The following PRKG1 variants were observed in gnomAD, a reference collection of about 807,000 sequenced individuals.
The protein encoded by PRKG1 is cGMP-dependent protein kinase 1.
Under a neutral mutation model 88.1 loss-of-function variants are expected in PRKG1, and 35 were observed. The ratio of observed to expected loss-of-function variants is 0.40; its 90% CI spans 0.30 to 0.53. PRKG1 has a LOEUF of 0.53. Among genes scored for constraint, PRKG1 ranks in the 20% least tolerant of loss-of-function variants. The pLI, the probability that PRKG1 is intolerant of heterozygous loss-of-function variation, is 0.59. For synonymous variants in PRKG1, 303 were observed against 292.5 expected (o/e 1.04, Z -0.37); for missense variants, 540 against 839.8 (o/e 0.64, Z 4.41).
At chr10:51,130,668 A>C (rs1845541965) in intron 1 of PRKG1, among the ~76,000 whole-genome samples, 1 of 152,116 alleles carries the variant, frequency 6.6e-6, no homozygotes, top group Admixed American at 6.6e-5. Context: ...TTTGGGAGGC[A>C]AAGGCAGGTG....
intron 3 of PRKG1, among the ~76,000 whole-genome samples, chr10:51,592,146 AT>A (rs1838327836): frequency 1.3e-5 from 2 of 152,158 alleles, no homozygotes; most frequent in Admixed American, 6.5e-5. Context: ...ACTTTTTCTC[AT>A]TTGATTGAAG....
chr10:52,163,396 A>G (rs1164790031), intron 9 of PRKG1, among the ~76,000 whole-genome samples: 1 of 150,852 alleles, frequency 6.6e-6, no homozygotes, highest in Non-Finnish European at 1.5e-5. Context: ...GCATATACAT[A>G]TATAAAAGAT....
chr10:51,267,576 C>T (rs1839868502), intron 2 of PRKG1, among the ~76,000 whole-genome samples: 1 of 152,098 alleles, frequency 6.6e-6, no homozygotes, highest in Non-Finnish European at 1.5e-5. Context: ...ACACCTTATT[C>T]AACATATGGT....
At chr10:51,895,053 A>T (rs759607635) in intron 4 of PRKG1, among the ~76,000 whole-genome samples, 1 of 152,240 alleles carries the variant, frequency 6.6e-6, no homozygotes, top group African/African-American at 2.4e-5. Context: ...GAAAGTTCAC[A>T]GATTTCTTTT....
In PRKG1 at chr10:51,923,835, C is replaced by CT. The variant is rs199792932; in HGVS notation, c.762+16276dup. On this transcript the variant is annotated intron_variant, in intron 5 of 17. Transcript: ENST00000373980. ...GCCTTCATTTACTCCTTTTCTAATG[C>CT]TTTTTTTTTTTGAGACAGGGTCTCA... Among the ~76,000 whole-genome samples the CT allele has an allele frequency of 6.7e-4, 97 of 144,876 alleles. 1 individual carries two copies. Among genetic ancestry groups the CT allele is most frequent in the Middle Eastern group, 3.5e-3 (1 of 282 alleles).
chr10:51,572,168 A>T (rs1345764552), intron 3 of PRKG1, among the ~76,000 whole-genome samples: 1 of 151,890 alleles, frequency 6.6e-6, no homozygotes, highest in Admixed American at 6.6e-5. Flanking sequence ...TGAGTAAAAC[A>T]TACTTTTTAA....
chr10:51,959,895 T>A (rs1308005631), intron 5 of PRKG1, among the ~76,000 whole-genome samples: 1 of 152,158 alleles, frequency 6.6e-6, no homozygotes, highest in Non-Finnish European at 1.5e-5. Flanking sequence ...AAGGGAAATA[T>A]CTTTCTACTT....
intron 3 of PRKG1, among the ~76,000 whole-genome samples, chr10:51,701,105 T>G (rs1841454297): frequency 6.6e-6 from 1 of 152,216 alleles, no homozygotes; most frequent in Non-Finnish European, 1.5e-5. Context: ...TAAAAAATTA[T>G]TTTGAAGTTA....
chr10:51,741,449 A>G (rs900469062), intron 3 of PRKG1, among the ~76,000 whole-genome samples: 1 of 152,132 alleles, frequency 6.6e-6, no homozygotes, highest in African/African-American at 2.4e-5. Context: ...CTAGCCAGTT[A>G]AATCAATTCA....
intron 3 of PRKG1, among the ~76,000 whole-genome samples, chr10:51,514,300 G>T (rs533082013): frequency 1.3e-5 from 2 of 152,198 alleles, no homozygotes; most frequent in Non-Finnish European, 2.9e-5. Flanking sequence ...TTATTTCTTT[G>T]TCTGGGTCGT....
At chr10:52,234,282 T>C (rs1347954211) in intron 9 of PRKG1, among the ~76,000 whole-genome samples, 2 of 152,190 alleles carry the variant, frequency 1.3e-5, no homozygotes, top group Admixed American at 1.3e-4. Flanking sequence ...AGGAACGCAG[T>C]TCCTCACCAG....
Position 51,074,738 on chromosome 10 carries a change from C to G in PRKG1, c.148C>G (p.Arg50Gly), listed in dbSNP as rs1460174893. 2 of 1,614,004 alleles carry G rather than the reference C, an allele frequency of 1.2e-6. No homozygotes were observed. Among genetic ancestry groups the G allele is most frequent in the Non-Finnish European group, 1.7e-6 (2 of 1,179,950 alleles). The change falls in exon 1 of 18, where the codon CGC (arginine) becomes GGC (glycine). Residue 50 changes from arginine to glycine, a missense_variant. By Grantham distance (125) the Arg-to-Gly change is moderately radical. Around this residue, in one of 5 missense-constraint regions of PRKG1, gnomAD observed 400 missense variants for 562.7 expected, o/e 0.71. Coordinates refer to ENST00000373980, the MANE Select transcript of PRKG1 (RefSeq NM_006258.4). ...GCTGCAGAACGAGCTGGACAAGTAC[C>G]GCTCGGTGATCCGACCAGCCACCCA... ...QKLQNELDKY[R>G]SVIRPATQQA...
At chr10:51,085,268 A>G (rs1190830621) in intron 1 of PRKG1, among the ~76,000 whole-genome samples, 1 of 152,230 alleles carries the variant, frequency 6.6e-6, no homozygotes, top group African/African-American at 2.4e-5. Flanking sequence ...CACGTTTTGT[A>G]TTAAAGCGAG....
chr10:51,349,468 G>A (rs112248824), intron 2 of PRKG1, among the ~76,000 whole-genome samples: 83 of 149,666 alleles, frequency 5.5e-4, no homozygotes, highest in African/African-American at 1.6e-3. Flanking sequence ...GTGTGTGTGT[G>A]TGTGTGTGTG....
intron 3 of PRKG1, among the ~76,000 whole-genome samples, chr10:51,575,634 T>C (rs1464994413): frequency 6.6e-6 from 1 of 151,982 alleles, no homozygotes; most frequent in Non-Finnish European, 1.5e-5. Flanking sequence ...ATATAAAAAC[T>C]ATATAGATTA....
chr10:51,523,973 T>C (rs1471954179), intron 3 of PRKG1, among the ~76,000 whole-genome samples: 1 of 151,920 alleles, frequency 6.6e-6, no homozygotes. Context: ...ATTATGGGGG[T>C]GCATCCTTTA....
chr10:50,995,208 G>T (rs1842826152), intron 1 of PRKG1, among the ~76,000 whole-genome samples: 1 of 152,128 alleles, frequency 6.6e-6, no homozygotes, highest in Admixed American at 6.5e-5. Flanking sequence ...TATCGTAGAC[G>T]AAGGAAATGG....
intron 3 of PRKG1, among the ~76,000 whole-genome samples, chr10:51,687,016 A>G (rs546140971): frequency 6.6e-6 from 1 of 152,236 alleles, no homozygotes; most frequent in South Asian, 2.1e-4. Flanking sequence ...GATTACAGGC[A>G]TATATTACAC....
intron 2 of PRKG1, among the ~76,000 whole-genome samples, chr10:51,389,473 C>A (rs1217288289): frequency 6.6e-6 from 1 of 152,016 alleles, no homozygotes; most frequent in Non-Finnish European, 1.5e-5. Flanking sequence ...ATTGATCACC[C>A]CTAACATGCC....
Sources: gnomAD v4.1 joint callset for allele counts (sites outside exome capture counted in the v4.1 genomes callset) on GRCh38, gnomAD v4.1.1 for gene constraint, gnomAD v4.1.1 regional missense constraint, MANE v1.5 for transcripts, NCBI Gene and HGNC (gene_info 2026-07-23, HGNC 2026-07-21) for gene names.